CNIH3: variants seen among roughly 807,000 people sequenced by gnomAD.
CNIH3 encodes protein cornichon homolog 3.
A neutral mutation model predicts 24.1 loss-of-function variants in CNIH3; 14 were observed. That is an observed-to-expected ratio of 0.58 (90% confidence interval 0.38 to 0.91). CNIH3 has a LOEUF of 0.91. Among genes scored for constraint, CNIH3 ranks in the 40% least tolerant of loss-of-function variants. The probability of loss-of-function intolerance (pLI) is 0.00; values close to 1 mark genes in which losing one functional copy is unlikely to be tolerated. For synonymous variants in CNIH3, 68 were observed against 73.8 expected, an observed-to-expected ratio of 0.92 and a Z score of 0.40; for missense variants, 178 against 196.8, an observed-to-expected ratio of 0.90 and a Z score of 0.57.
chr1:224,642,155 A>T (rs1355846656), intron 1 of CNIH3, among the ~76,000 whole-genome samples: 1 of 152,202 alleles, frequency 6.6e-6, no homozygotes, highest in Non-Finnish European at 1.5e-5. Flanking sequence ...GCTGATATTG[A>T]TTGAATATTT....
At chr1:224,588,968 GTTT>G (rs974335950), downstream of CNIH3, among the ~76,000 whole-genome samples, 8 of 112,314 alleles carry the variant, frequency 7.1e-5, no homozygotes, top group East Asian at 1.2e-3. Flanking sequence ...CTGACCCCCT[GTTT>G]TTTTTTTTTT....
At chr1:224,471,889 C>T (rs1384774239) in intron 1 of CNIH3, among the ~76,000 whole-genome samples, 2 of 152,122 alleles carry the variant, frequency 1.3e-5, no homozygotes, top group Non-Finnish European at 2.9e-5. Context: ...CGTGCCCGGC[C>T]TCTCATTCTT....
At chr1:224,463,408 A>G (rs1676009622) in intron 1 of CNIH3, among the ~76,000 whole-genome samples, 1 of 143,942 alleles carries the variant, frequency 6.9e-6, no homozygotes, top group African/African-American at 2.8e-5. Context: ...TAGCATGAAT[A>G]CAAGTCTTTT....
intron 1 of CNIH3, among the ~76,000 whole-genome samples, chr1:224,445,202 A>G (rs1355187971): frequency 1.3e-5 from 2 of 152,122 alleles, no homozygotes; most frequent in Non-Finnish European, 2.9e-5. Context: ...GTATGTCTAT[A>G]TACATTTTTT....
rs760668756 is a variant in CNIH3, at chr1:224,617,247, A to G, written c.73A>G (p.Ile25Val). 1.2e-6 allele frequency: 2 copies of G among 1,613,892 alleles called. No individual in the cohort carries two copies. Among genetic ancestry groups the G allele is most frequent in the Non-Finnish European group, 1.7e-6 (2 of 1,179,920 alleles). ...VLCAALIFFAIWHIIAFDELR... is the reference protein window; with the variant it reads ...VLCAALIFFAVWHIIAFDELR... The stretch of plus-strand genomic sequence containing the variant: ...GTGCGCTGCGCTCATCTTCTTCGCC[A>G]TCTGGCACGTGAGTAACACGCTTTG... The change falls in exon 1 of 6, where the codon ATC (isoleucine) becomes GTC (valine). Residue 25 changes from isoleucine to valine, a missense_variant. Coordinates refer to ENST00000272133, the MANE Select transcript of CNIH3 (RefSeq NM_152495.2).
intron 4 of CNIH3, among the ~76,000 whole-genome samples, chr1:224,730,908 A>G (rs975290659): frequency 2.0e-5 from 3 of 152,234 alleles, no homozygotes; most frequent in East Asian, 1.9e-4. Context: ...TATCCATACA[A>G]TGGAATACTA....
intron 5 of CNIH3, among the ~76,000 whole-genome samples, chr1:224,738,041 C>A (rs573789466): frequency 1.3e-5 from 2 of 152,316 alleles, no homozygotes; most frequent in South Asian, 4.1e-4. Context: ...TTATTTCTCT[C>A]CATCTATGTT....
intron 3 of CNIH3, among the ~76,000 whole-genome samples, chr1:224,561,952 A>G (rs986004912): frequency 1.3e-5 from 2 of 152,188 alleles, no homozygotes; most frequent in African/African-American, 4.8e-5. Flanking sequence ...CTCGAAGAAG[A>G]GTGCATGGAA....
At chr1:224,460,314 T>G (rs768297548) in intron 1 of CNIH3, among the ~76,000 whole-genome samples, 3 of 152,216 alleles carry the variant, frequency 2.0e-5, no homozygotes, top group Non-Finnish European at 4.4e-5. Context: ...TTTACATCTG[T>G]GAAACTGTCA....
At chr1:224,574,484 G>A (rs1289212726) in intron 4 of CNIH3, 23 of 656,606 alleles carry the variant, frequency 3.5e-5, no homozygotes, top group Non-Finnish European at 6.1e-5. Flanking sequence ...CCATCCTGGG[G>A]CTAGGCACCT....
chr1:224,489,547 T>G (rs1677161499), intron 1 of CNIH3, among the ~76,000 whole-genome samples: 1 of 152,210 alleles, frequency 6.6e-6, no homozygotes, highest in Admixed American at 6.5e-5. Flanking sequence ...TCCACTCCCC[T>G]CCAGCATCTA....
At chr1:224,476,143 T>A (rs1676579173) in intron 1 of CNIH3, among the ~76,000 whole-genome samples, 1 of 152,188 alleles carries the variant, frequency 6.6e-6, no homozygotes. Flanking sequence ...AATATCATAC[T>A]TAAAGTAGAA....
chr1:224,658,618 A>C lies in CNIH3; in HGVS notation c.82-22340A>C, dbSNP rs1160605347. Among the ~76,000 whole-genome samples, 14 of 151,610 alleles carry C rather than the reference A, an allele frequency of 9.2e-5. No individual in the cohort carries two copies. The South Asian group carries it at 1.2e-3, about 13-fold the overall frequency. Reference sequence around the variant, plus strand: ...TGATAATTCAGATATTAAAAAAAAAACACCAAATCCCGACCTTTACTTTTT... The same window carrying C: ...TGATAATTCAGATATTAAAAAAAAACCACCAAATCCCGACCTTTACTTTTT... On this transcript the variant is annotated intron_variant, in intron 1 of 5. Coordinates refer to ENST00000272133, the MANE Select transcript of CNIH3 (RefSeq NM_152495.2).
intron 3 of CNIH3, among the ~76,000 whole-genome samples, chr1:224,685,918 A>T (rs931020433): frequency 6.6e-6 from 1 of 152,178 alleles, no homozygotes; most frequent in East Asian, 1.9e-4. Flanking sequence ...ATAAAGAATG[A>T]TTAGGAAAAT....
rs11349415 is a variant in CNIH3 at position 224,500,679 on chromosome 1, GAA to G, written n.204-15051_204-15050del. On this transcript the variant is annotated intron_variant and non_coding_transcript_variant, in intron 1 of 5. Transcript: ENST00000471578. Reference sequence around the variant, plus strand: ...CGACAGAGTGAGACAAAAAAGCAAAGAAAAAAAAAAAAGAATGACTTTTCCCC... The same window carrying G: ...CGACAGAGTGAGACAAAAAAGCAAAGAAAAAAAAAAGAATGACTTTTCCCC... 9.2e-4 allele frequency among the ~76,000 whole-genome samples: 136 copies of G among 148,216 alleles called. 1 individual carries two copies. Among genetic ancestry groups the G allele is most frequent in the East Asian group, 6.9e-3 (35 of 5,080 alleles).
chr1:224,465,531 G>A (rs896754680), intron 1 of CNIH3, among the ~76,000 whole-genome samples: 3 of 152,112 alleles, frequency 2.0e-5, no homozygotes, highest in Non-Finnish European at 4.4e-5. Flanking sequence ...TGCTGTTGTT[G>A]TCATACGTTT....
chr1:224,509,348 GGGAAAGAAGAAA>G (rs1288220805), intron 1 of CNIH3, among the ~76,000 whole-genome samples: 15 of 152,148 alleles, frequency 9.9e-5, no homozygotes, highest in Non-Finnish European at 1.9e-4. Context: ...GAAAGAAGAA[GGGAAAGAAGAAA>G]GGAAAGAAGA....
At position 224,739,406 on chromosome 1, in the gene CNIH3, C is replaced by T. The variant is rs200466841; in HGVS notation, c.*50C>T. On this transcript the variant is annotated 3_prime_UTR_variant, in exon 6 of 6. Coordinates refer to ENST00000272133, the MANE Select transcript of CNIH3 (RefSeq NM_152495.2). ...AGACTGAGATGGGAGAGGCCTGAGA[C>T]GGAGAGGTGCATTTCTGCTGGTGAC... 8.2e-6 allele frequency: 13 copies of T among 1,577,558 alleles called. No homozygotes were observed. Among genetic ancestry groups the T allele is most frequent in the South Asian group, 8.1e-5 (7 of 86,082 alleles).
chr1:224,677,003 C>T (rs12143215), intron 1 of CNIH3, among the ~76,000 whole-genome samples: 6,320 of 152,244 alleles, frequency 0.042, 213 homozygotes, highest in East Asian at 0.15. Flanking sequence ...GGCAGAATAA[C>T]GTAATGGTAA....
Sources: gnomAD v4.1 joint callset for allele counts (sites outside exome capture counted in the v4.1 genomes callset) on GRCh38, gnomAD v4.1.1 for gene constraint, MANE v1.5 for transcripts, NCBI Gene and HGNC (gene_info 2026-07-23, HGNC 2026-07-21) for gene names.